Variants in FLNB observed in about 807,000 individuals in gnomAD.
The protein encoded by FLNB is filamin B.
FLNB carries 111 observed loss-of-function variants against 250.6 expected under a neutral mutation model. That is an observed-to-expected ratio of 0.44 (90% CI 0.38 to 0.52). The LOEUF is 0.52. Among genes scored for constraint, FLNB ranks in the 20% least tolerant of loss-of-function variants. The pLI is 0.00. For synonymous variants in FLNB, 1,302 were observed against 1,372.1 expected (o/e 0.95, Z 1.13); for missense variants, 2,869 against 3,447.8 (o/e 0.83, Z 4.20).
chr3:58,067,572 G>GTTTT (rs11400987), intron 1 of FLNB, among the ~76,000 whole-genome samples: 1 of 145,146 alleles, frequency 6.9e-6, no homozygotes, highest in South Asian at 2.2e-4. Context: ...TAACAAAGAG[G>GTTTT]TTTTTTTTGT....
chr3:58,099,973 C>T (rs944043511), intron 8 of FLNB, among the ~76,000 whole-genome samples: 13 of 152,194 alleles, frequency 8.5e-5, no homozygotes, highest in Admixed American at 5.9e-4. Flanking sequence ...TTTATATGAA[C>T]TCAGCAATTA....
At chr3:58,111,706 C>T (rs142335746) in intron 16 of FLNB, 85 bp from the exon 17 acceptor site, 7 of 966,520 alleles carry the variant, frequency 7.2e-6, no homozygotes, top group South Asian at 6.6e-5. Flanking sequence ...CAGAGTGATG[C>T]TAAGGTTCAC....
At chr3:58,128,591 G>C (rs146905840) in intron 24 of FLNB, among the ~76,000 whole-genome samples, 11 of 152,200 alleles carry the variant, frequency 7.2e-5, no homozygotes, top group Non-Finnish European at 1.5e-4. Context: ...TGTAACACTT[G>C]CGTTAGGAGA....
In FLNB at chr3:58,169,313, T is replaced by C; in HGVS notation, c.7418-277T>C. On this transcript the variant is annotated intron_variant, in intron 44 of 45. Coordinates refer to ENST00000295956, the MANE Select transcript of FLNB (RefSeq NM_001457.4). The surrounding 1 kb of genome is among the most constrained non-coding windows in gnomAD (Gnocchi z 4.8). ...GATGTGAATTCCACAGGCACATCTT[T>C]GGTGGGTAGGGGGTGGGGGGATTGG... The C allele has an allele frequency of 2.0e-6, 1 of 491,098 alleles. No individual in the cohort carries two copies. The highest frequency in any genetic ancestry group is 3.7e-6 in the Non-Finnish European group (1 of 270,878). The allele number at this position is 491,098 out of a possible 1,614,324, so 30.4% of individuals were successfully genotyped here.
chr3:58,148,765 G>A lies in FLNB; in HGVS notation c.6004G>A (p.Ala2002Thr), dbSNP rs1217036143. 2.5e-6 allele frequency: 4 copies of A among 1,613,846 alleles called. No individual in the cohort carries two copies. The highest frequency in any genetic ancestry group is 3.4e-6 in the Non-Finnish European group (4 of 1,180,024). ...IMVVQSEIGD[A>T]RRAKVYGRGL... ...GGTGGTCCAGTCGGAGATTGGTGAC[G>A]CCCGCCGAGCCAAAGTCTATGGCCG... The change falls in exon 36 of 46, where the codon GCC becomes ACC. Residue 2002 changes from alanine (A) to threonine (T), a missense_variant. By Grantham distance (58) the Ala-to-Thr change is moderately conservative. Transcript: ENST00000295956.
At chr3:58,051,153 C>T (rs140944238) in intron 1 of FLNB, among the ~76,000 whole-genome samples, 276 of 152,358 alleles carry the variant, frequency 1.8e-3, no homozygotes, top group African/African-American at 6.4e-3. Context: ...CAGGTCCTCT[C>T]CAGTGAGTGA....
At chr3:58,099,283 C>G (rs569312071) in intron 8 of FLNB, among the ~76,000 whole-genome samples, 1 of 152,212 alleles carries the variant, frequency 6.6e-6, no homozygotes, top group African/African-American at 2.4e-5. Context: ...TTTACTGGCC[C>G]AGGCACTTAC....
chr3:58,088,168 C>T (rs951798125), intron 4 of FLNB, among the ~76,000 whole-genome samples: 1 of 151,720 alleles, frequency 6.6e-6, no homozygotes, highest in Non-Finnish European at 1.5e-5. Flanking sequence ...CTGCCTCAGC[C>T]TCCCGAGTAG....
chr3:58,074,537 C>T (rs1461713578), intron 1 of FLNB, among the ~76,000 whole-genome samples: 1 of 152,102 alleles, frequency 6.6e-6, no homozygotes, highest in East Asian at 1.9e-4. Context: ...TTAAAGACAG[C>T]AACACATGGC....
At chr3:58,020,527 G>A (rs1176712074) in intron 1 of FLNB, among the ~76,000 whole-genome samples, 1 of 152,162 alleles carries the variant, frequency 6.6e-6, no homozygotes, top group Non-Finnish European at 1.5e-5. Context: ...CGCAGGGCTG[G>A]CTTGCTGAAA....
At chr3:58,168,313 TG>T in intron 43 of FLNB, 126 bp from the exon 44 acceptor site, 1 of 764,614 alleles carries the variant, frequency 1.3e-6, no homozygotes, top group Non-Finnish European at 2.3e-6. Flanking sequence ...CTAGTGCCAG[TG>T]GGTTCCCATG....
At chr3:58,009,850 C>T (rs1360085980) in intron 1 of FLNB, among the ~76,000 whole-genome samples, 1 of 152,080 alleles carries the variant, frequency 6.6e-6, no homozygotes, top group Non-Finnish European at 1.5e-5. Context: ...GCCTTCTGGT[C>T]TGGGGAGGAA....
In FLNB at chr3:58,008,774, C is replaced by T; in HGVS notation, c.210C>T (p.Pro70=). ...TGTACCGCAAGTACCATCAGCGGCC[C>T]ACCTTTCGCCAGATGCAGCTCGAGA... The part of the protein sequence containing the change: ...KRMYRKYHQR[P]TFRQMQLENV... The change falls in exon 1 of 46, where the codon CCC becomes CCT. Residue 70 remains proline (P), a synonymous_variant. Transcript: ENST00000295956. The T allele has an allele frequency of 6.2e-7, 1 of 1,613,960 alleles. No individual in the cohort carries two copies.
chr3:58,073,149 C>CTATTTGTT (rs2097197070), intron 1 of FLNB, among the ~76,000 whole-genome samples: 1 of 145,626 alleles, frequency 6.9e-6, no homozygotes, highest in South Asian at 2.2e-4. Context: ...AGTATACCCA[C>CTATTTGTT]TATTTATTTA....
At chr3:58,028,767 C>A (rs2097126901) in intron 1 of FLNB, among the ~76,000 whole-genome samples, 1 of 150,748 alleles carries the variant, frequency 6.6e-6, no homozygotes, top group Non-Finnish European at 1.5e-5. Context: ...GCATGTACCA[C>A]CACACCCAGC....
At position 58,132,829 on chromosome 3, in the gene FLNB, T is replaced by C. The variant is rs1397938000; in HGVS notation, c.4412T>C (p.Val1471Ala). ...GPRGLVEPVNVVDNGDGTHTV... is the reference protein window; with the variant it reads ...GPRGLVEPVNAVDNGDGTHTV... ...TCAGGCTTGGTGGAGCCAGTGAACG[T>C]GGTGGACAATGGAGATGGCACACAC... Residue 1471 changes from valine to alanine, a missense_variant, in exon 26 of 46, where the codon GTG becomes GCG. By Grantham distance (64) the Val-to-Ala change is moderately conservative (BLOSUM62 0). This residue lies in a region of FLNB where 1,348 missense variants were observed against 1,466.7 expected (regional missense o/e 0.92). Coordinates refer to ENST00000295956, the MANE Select transcript of FLNB (RefSeq NM_001457.4). 1.2e-6 allele frequency: 2 copies of C among 1,614,038 alleles called. No individual in the cohort carries two copies. Among genetic ancestry groups the C allele is most frequent in the African/African-American group, 1.3e-5 (1 of 74,920 alleles).
At chr3:58,155,823 G>A (rs766453318) in intron 40 of FLNB, 137 bp from the exon 41 acceptor site, 9 of 681,078 alleles carry the variant, frequency 1.3e-5, no homozygotes, top group African/African-American at 3.5e-5. Flanking sequence ...TCAGCCAGGC[G>A]ACTCCCACTC....
intron 8 of FLNB, among the ~76,000 whole-genome samples, chr3:58,100,373 A>AAAAAATATATATATATATATAT: frequency 0.069 from 7,199 of 104,182 alleles, 847 homozygotes; most frequent in African/African-American, 0.18. Context: ...GTAAAAAAAA[A>AAAAAATATATATATATATATAT]ATATATATAT....
intron 25 of FLNB, chr3:58,132,320 C>T (rs1197728232): frequency 6.8e-6 from 3 of 440,944 alleles, no homozygotes; most frequent in Non-Finnish European, 1.2e-5. Context: ...ACCTATGCCC[C>T]AGCATGCTGG....
Sources: gnomAD v4.1 joint callset for allele counts (sites outside exome capture counted in the v4.1 genomes callset) on GRCh38, gnomAD v4.1.1 for gene constraint, gnomAD v4.1.1 regional missense constraint, Gnocchi (gnomAD v3.1) non-coding constraint, MANE v1.5 for transcripts, NCBI Gene and HGNC (gene_info 2026-07-23, HGNC 2026-07-21) for gene names.